The following CDHR2 variants were observed in gnomAD, a reference collection of about 807,000 sequenced individuals.
The protein encoded by CDHR2 is cadherin related family member 2.
In CDHR2, 104 loss-of-function variants were observed where a neutral mutation model predicts 138.6. That is an observed-to-expected ratio of 0.75 (90% CI 0.64 to 0.88). The LOEUF (loss-of-function observed/expected upper bound fraction) is 0.88, where lower values mean the gene tolerates loss of function less well. CDHR2 is among the 40% of genes least tolerant of loss of function. The probability of loss-of-function intolerance (pLI) is 0.00; values close to 1 mark genes in which losing one functional copy is unlikely to be tolerated. For synonymous variants in CDHR2, 755 were observed against 742.8 expected, an observed-to-expected ratio of 1.02 and a Z score of -0.27; for missense variants, 1,624 against 1,727.6, an observed-to-expected ratio of 0.94 and a Z score of 1.06.
chr5:176,585,859 G>A, intron 19 of CDHR2, 95 bp from the exon 20 acceptor site: 1 of 952,554 alleles, frequency 1.0e-6, no homozygotes, highest in East Asian at 2.4e-5. Context: ...AGGCTGCGGG[G>A]CATGGGGTTG....
In CDHR2 at chr5:176,575,131, C is replaced by G; in HGVS notation, c.543C>G (p.Ala181=). ...GDSEHLFRIL[A]NGSIVLNGSL... ...GCGAGCATCTCTTCCGGATCCTGGC[C>G]AATGGCTCCATAGTCCTCAATGGCA... Residue 181 remains alanine (A), a synonymous_variant, in exon 8 of 32, where the codon GCC becomes GCG. Coordinates refer to ENST00000261944, the MANE Select transcript of CDHR2 (RefSeq NM_017675.6). 1 of 1,614,234 alleles carries G rather than the reference C, an allele frequency of 6.2e-7. No individual in the cohort carries two copies. Among genetic ancestry groups the G allele is most frequent in the Non-Finnish European group, 8.5e-7 (1 of 1,180,048 alleles).
chr5:176,551,142 A>G (rs530529579), intron 1 of CDHR2, among the ~76,000 whole-genome samples: 22 of 151,560 alleles, frequency 1.5e-4, no homozygotes, highest in Non-Finnish European at 2.8e-4. Flanking sequence ...CTGACTAGCT[A>G]GGATTACAGG....
intron 6 of CDHR2, 118 bp downstream of exon 6, chr5:176,571,420 G>A: frequency 1.6e-6 from 1 of 611,660 alleles, no homozygotes. Context: ...TCTCCTAGCA[G>A]GGGCAGCTTC....
chr5:176,548,859 G>C (rs547017124), upstream of CDHR2, among the ~76,000 whole-genome samples: 1 of 152,122 alleles, frequency 6.6e-6, no homozygotes, highest in Non-Finnish European at 1.5e-5. Flanking sequence ...CAACAGGCTC[G>C]AAAGTGGGTT....
intron 7 of CDHR2, among the ~76,000 whole-genome samples, chr5:176,574,730 A>G: frequency 6.6e-6 from 1 of 152,206 alleles, no homozygotes; most frequent in Non-Finnish European, 1.5e-5. Context: ...GTTATGCTAT[A>G]TTGTTTAGGG....
rs1347856926 is a variant in CDHR2 at position 176,589,196 on chromosome 5, G to A, written c.3008+14G>A. 1 of 1,613,716 alleles carries A rather than the reference G, an allele frequency of 6.2e-7. No homozygotes were observed. The highest frequency in any genetic ancestry group is 8.5e-7 in the Non-Finnish European group (1 of 1,179,810). On this transcript the variant is annotated intron_variant, in intron 22 of 31. Coordinates refer to ENST00000261944, the MANE Select transcript of CDHR2 (RefSeq NM_017675.6). ...TGGGAGCATTCAGTAACTGCGGGCG[G>A]CCCCGGGAGGGAGGTTGCGGGGAGG...
chr5:176,549,993 C>T (rs544641341), intron 1 of CDHR2, among the ~76,000 whole-genome samples: 77 of 152,344 alleles, frequency 5.1e-4, no homozygotes, highest in Admixed American at 7.8e-4. Context: ...CAGGGACTGA[C>T]CCAGGCTGGC....
chr5:176,542,578 A>C (rs1478377142), exon 1 of CDHR2: 1 of 152,058 alleles, frequency 6.6e-6, no homozygotes. Flanking sequence ...CGGACCCTGG[A>C]AGATCGAGGA....
rs1041317439 is a variant in CDHR2 at position 176,576,979 on chromosome 5, G to A, written c.1195-420G>A. ...GGTGTATGGTGTTAGGTGATACTGA[G>A]GGGTTGGAAATGTTGCGTGGAGGAC... On this transcript the variant is annotated intron_variant, in intron 12 of 31. Coordinates refer to ENST00000261944, the MANE Select transcript of CDHR2 (RefSeq NM_017675.6). The surrounding 1 kb of genome is among the most constrained non-coding windows in gnomAD (Gnocchi z 4.5). 6.6e-6 allele frequency among the ~76,000 whole-genome samples: 1 copy of A among 152,132 alleles called. No homozygotes were observed. Among genetic ancestry groups the A allele is most frequent in the Admixed American group, 6.6e-5 (1 of 15,266 alleles).
intron 20 of CDHR2, 97 bp downstream of exon 20, chr5:176,586,122 T>G (rs1758659066): frequency 6.6e-6 from 6 of 908,164 alleles, no homozygotes; most frequent in Non-Finnish European, 1.1e-5. Flanking sequence ...GGGGAGCCTT[T>G]AGAAAGGGGG....
intron 15 of CDHR2, 53 bp from the exon 16 acceptor site, chr5:176,578,312 A>C (rs909709725): frequency 5.1e-5 from 78 of 1,533,424 alleles, no homozygotes; most frequent in Non-Finnish European, 6.4e-5. Flanking sequence ...TGAAATTCAC[A>C]CTGAAATGGG....
chr5:176,550,089 C>T (rs1008897565), intron 1 of CDHR2, among the ~76,000 whole-genome samples: 11 of 152,162 alleles, frequency 7.2e-5, no homozygotes, highest in Non-Finnish European at 1.0e-4. Flanking sequence ...GGCCATGCTG[C>T]GTCACTCAGG....
intron 7 of CDHR2, 96 bp downstream of exon 7, chr5:176,574,268 T>G (rs1468253947): frequency 1.1e-5 from 10 of 923,052 alleles, no homozygotes; most frequent in Non-Finnish European, 1.6e-5. Flanking sequence ...GTGGGGACAT[T>G]GGTCCTGCCT....
chr5:176,569,948 A>G (rs1758184887), intron 5 of CDHR2, among the ~76,000 whole-genome samples: 1 of 145,828 alleles, frequency 6.9e-6, no homozygotes, highest in South Asian at 2.2e-4. Flanking sequence ...TGATAGCACG[A>G]GACTCCGTCT....
At chr5:176,586,453 C>G (rs993382091) in intron 20 of CDHR2, among the ~76,000 whole-genome samples, 3 of 152,252 alleles carry the variant, frequency 2.0e-5, no homozygotes, top group Non-Finnish European at 4.4e-5. Context: ...GCCTTGGCCT[C>G]CCAAAGTGCT....
At position 176,575,283 on chromosome 5, in the gene CDHR2, T is replaced by C; in HGVS notation, c.625T>C (p.Leu209=). The C allele has an allele frequency of 6.2e-7, 1 of 1,614,190 alleles. No homozygotes were observed. Among genetic ancestry groups the C allele is most frequent in the Non-Finnish European group, 8.5e-7 (1 of 1,180,028 alleles). Residue 209 remains leucine (L), a synonymous_variant, in exon 9 of 32, where the codon TTG becomes CTG. Transcript: ENST00000261944. ...ACGGGTGGCCATCTCCCCGCAGGACTTGGGCGGCATGTACCACAACACCTT... is the reference window on the plus strand; with the variant it reads ...ACGGGTGGCCATCTCCCCGCAGGACCTGGGCGGCATGTACCACAACACCTT... ...FYQLELKACD[L]GGMYHNTFTI...
At chr5:176,557,953 G>T (rs992981117) in intron 1 of CDHR2, among the ~76,000 whole-genome samples, 3 of 151,894 alleles carry the variant, frequency 2.0e-5, no homozygotes, top group African/African-American at 7.3e-5. Context: ...TGATCCACCC[G>T]CCTTGGCCTC....
rs755267325 is a variant in CDHR2 at position 176,575,709 on chromosome 5, C to A, written c.845-15C>A. Reference sequence around the variant, plus strand: ...GGAGCAGCTGTTCCAGCTGTTCCGCCTTTCTCCTTGCCAGACTCCACGCGG... The same window carrying A: ...GGAGCAGCTGTTCCAGCTGTTCCGCATTTCTCCTTGCCAGACTCCACGCGG... On this transcript the variant is annotated splice_polypyrimidine_tract_variant and intron_variant, in intron 10 of 31. Coordinates refer to ENST00000261944, the MANE Select transcript of CDHR2 (RefSeq NM_017675.6). 1 of 1,588,904 alleles carries A rather than the reference C, an allele frequency of 6.3e-7. No homozygotes were observed. Among genetic ancestry groups the A allele is most frequent in the Non-Finnish European group, 8.6e-7 (1 of 1,167,568 alleles).
At chr5:176,557,560 ATTT>A (rs5873538) in intron 1 of CDHR2, among the ~76,000 whole-genome samples, 21 of 87,408 alleles carry the variant, frequency 2.4e-4, no homozygotes, top group African/African-American at 7.4e-4. Flanking sequence ...ACCTTCTTAG[ATTT>A]TTTTTTTTTT....
Sources: allele counts gnomAD v4.1 joint callset (sites outside exome capture counted in the v4.1 genomes callset), GRCh38; gene constraint gnomAD v4.1.1; non-coding constraint Gnocchi (gnomAD v3.1); transcripts MANE v1.5; gene names NCBI Gene and HGNC (gene_info 2026-07-23, HGNC 2026-07-21).